NT5C2: variants seen among roughly 807,000 people sequenced by gnomAD.
NT5C2 encodes the protein cytosolic purine 5'-nucleotidase.
In NT5C2, 58 loss-of-function variants were observed where a neutral mutation model predicts 76.1. That is an observed-to-expected ratio of 0.76 (90% CI 0.62 to 0.95). NT5C2 has a LOEUF of 0.95. Ranked by LOEUF, NT5C2 falls within the 40% of genes least tolerant of loss-of-function variation. The pLI is 0.00. For missense variants in NT5C2, 478 were observed against 690.3 expected (o/e 0.69, Z 3.45); for synonymous variants, 229 against 237.4 (o/e 0.96, Z 0.32).
chr10:103,098,320 G>T, intron 10 of NT5C2: 2 of 259,384 alleles, frequency 7.7e-6, no homozygotes, highest in Admixed American at 5.8e-5. Flanking sequence ...AATTTTATCA[G>T]GTTTGCCACT....
At chr10:103,163,777 G>A (rs2085563715) in intron 3 of NT5C2, among the ~76,000 whole-genome samples, 1 of 150,840 alleles carries the variant, frequency 6.6e-6, no homozygotes, top group South Asian at 2.1e-4. Context: ...AGCACTTTGG[G>A]AGGCTGAGGC....
At chr10:103,091,700 G>T in intron 15 of NT5C2, 85 bp from the exon 16 acceptor site, 2 of 1,111,416 alleles carry the variant, frequency 1.8e-6, no homozygotes, top group Non-Finnish European at 2.7e-6. Context: ...AAAGGTTGCA[G>T]ATGTGACTGG....
chr10:103,094,769 C>G (rs1250732007), intron 12 of NT5C2, among the ~76,000 whole-genome samples: 1 of 151,644 alleles, frequency 6.6e-6, no homozygotes, highest in Non-Finnish European at 1.5e-5. Context: ...GTAGTCCCAG[C>G]TACTTGGGAG....
Position 103,093,184 on chromosome 10 carries a change from T to C in NT5C2, c.1114A>G (p.Ile372Val). 6.2e-7 allele frequency: 1 copy of C among 1,611,868 alleles called. No homozygotes were observed. The highest frequency in any genetic ancestry group is 8.5e-7 in the Non-Finnish European group (1 of 1,179,064). Residue 372 changes from isoleucine (I) to valine (V), a missense_variant, in exon 15 of 19, where the codon ATT (isoleucine) becomes GTT (valine). By Grantham distance (29) the Ile-to-Val change is conservative (BLOSUM62 3). Coordinates refer to ENST00000404739, the MANE Select transcript of NT5C2 (RefSeq NM_001351169.2). ...KRQGWRTFLV[I>V]PELAQELHVW... is the part of the protein sequence containing the mutation. ...TGTAGCTCCTGTGCGAGTTCAGGAA[T>C]CACCAAAAAAGTTCGCCACCCTTGC...
chr10:103,132,698 C>T (rs1037020227), intron 4 of NT5C2, among the ~76,000 whole-genome samples: 8 of 151,886 alleles, frequency 5.3e-5, no homozygotes, highest in Non-Finnish European at 1.0e-4. Context: ...TACAGGCGCC[C>T]GCCACCACGC....
intron 8 of NT5C2, among the ~76,000 whole-genome samples, chr10:103,100,379 T>G (rs983407526): frequency 2.0e-5 from 3 of 152,244 alleles, no homozygotes; most frequent in Non-Finnish European, 4.4e-5. Flanking sequence ...CTGACTTTCC[T>G]GACACTGTCC....
Position 103,100,021 on chromosome 10 carries a change from T to TCCCACTCAGTTGTC in NT5C2, c.540-3_540-2insGACAACTGAGTGGG. The TCCCACTCAGTTGTC allele has an allele frequency of 6.3e-7, 1 of 1,585,480 alleles. No individual in the cohort carries two copies. The highest frequency in any genetic ancestry group is 8.7e-7 in the Non-Finnish European group (1 of 1,155,276). On this transcript the variant is annotated splice_polypyrimidine_tract_variant and splice_region_variant and intron_variant, in intron 8 of 18. Transcript: ENST00000404739. ...CCATCTTTAAATCCTGTTTCACAAC[T>TCCCACTCAGTTGTC]ACAGAAAGATAAAAATAACATGACA...
At chr10:103,106,467 C>A in intron 5 of NT5C2, 122 bp downstream of exon 5, 1 of 679,306 alleles carries the variant, frequency 1.5e-6, no homozygotes, top group Non-Finnish European at 2.6e-6. Context: ...AAAAAAACAA[C>A]AAAGAATTAT....
intron 1 of NT5C2, among the ~76,000 whole-genome samples, chr10:103,188,152 C>T (rs1349051528): frequency 2.0e-5 from 3 of 152,034 alleles, no homozygotes; most frequent in South Asian, 2.1e-4. Context: ...GTCAGGAGTT[C>T]GAGACCAGCC....
intron 3 of NT5C2, among the ~76,000 whole-genome samples, chr10:103,164,072 C>T (rs903443313): frequency 1.3e-5 from 2 of 151,836 alleles, no homozygotes; most frequent in Admixed American, 6.6e-5. Flanking sequence ...GACCCTATCT[C>T]TACGAAAAAT....
Position 103,153,407 on chromosome 10 carries a change from G to A in NT5C2, c.102-13928C>T, listed in dbSNP as rs534095156. 227 of 1,133,306 alleles carry A rather than the reference G, an allele frequency of 2.0e-4. 1 individual carries two copies. Among genetic ancestry groups the A allele is most frequent in the Middle Eastern group, 1.5e-3 (6 of 4,088 alleles). 70.2% of individuals were successfully genotyped at this position (1,133,306 alleles called of 1,614,324 possible). A position where few individuals can be genotyped will look rare whatever the true frequency, so the allele number is the denominator to read the frequency against. ...CATTTGTTAAAGCACAGAGAACTCA[G>A]GCCCTGAGAGGCCCAACAAATTTGG... On this transcript the variant is annotated intron_variant, in intron 3 of 18. Coordinates refer to ENST00000404739, the MANE Select transcript of NT5C2 (RefSeq NM_001351169.2).
chr10:103,164,698 ATC>A (rs1031280830), intron 3 of NT5C2, among the ~76,000 whole-genome samples: 2 of 152,302 alleles, frequency 1.3e-5, no homozygotes, highest in Non-Finnish European at 2.9e-5. Context: ...ACATGAATAA[ATC>A]TCTCTCTCAG....
rs531388488 is a variant in NT5C2, at chr10:103,143,611, T to G, written c.102-4132A>C. ...ACCACCATGTCCAGCTATTTTTTTT[T>G]TTTTTTTTTTTTTTTTTTTTTGTAG... On this transcript the variant is annotated intron_variant, in intron 3 of 18. Coordinates refer to ENST00000404739, the MANE Select transcript of NT5C2 (RefSeq NM_001351169.2). Among the ~76,000 whole-genome samples, 662 of 133,580 alleles carry G rather than the reference T, an allele frequency of 5.0e-3. 10 individuals are homozygous for G. Among genetic ancestry groups the G allele is most frequent in the Admixed American group, 0.022 (289 of 13,000 alleles). 87.6% of individuals were successfully genotyped at this position (133,580 alleles called of 152,430 possible). A position where few individuals can be genotyped will look rare whatever the true frequency, so the allele number is the denominator to read the frequency against.
intron 2 of NT5C2, among the ~76,000 whole-genome samples, chr10:103,180,285 T>A (rs2090824787): frequency 6.6e-6 from 1 of 152,224 alleles, no homozygotes; most frequent in Non-Finnish European, 1.5e-5. Flanking sequence ...ACCTGAATTC[T>A]ACTACACTGC....
intron 3 of NT5C2, among the ~76,000 whole-genome samples, chr10:103,166,106 T>C (rs979881852): frequency 3.9e-5 from 6 of 152,256 alleles, no homozygotes; most frequent in African/African-American, 9.6e-5. Flanking sequence ...TTGTGCCATA[T>C]AGAAAAATAT....
At chr10:103,108,282 A>G (rs2071932399) in intron 4 of NT5C2, among the ~76,000 whole-genome samples, 1 of 152,208 alleles carries the variant, frequency 6.6e-6, no homozygotes, top group African/African-American at 2.4e-5. Context: ...ATAACAGCTA[A>G]AAAGACCTGC....
chr10:103,127,408 G>C (rs1173246163), intron 4 of NT5C2, among the ~76,000 whole-genome samples: 1 of 152,136 alleles, frequency 6.6e-6, no homozygotes, highest in Non-Finnish European at 1.5e-5. Flanking sequence ...TTCAATTATG[G>C]GGATAATTGG....
chr10:103,156,541 G>C (rs879768052), intron 3 of NT5C2, among the ~76,000 whole-genome samples: 2 of 150,282 alleles, frequency 1.3e-5, no homozygotes, highest in Non-Finnish European at 3.0e-5. Flanking sequence ...GATCACCTGA[G>C]GTCAGGAGTT....
intron 9 of NT5C2, among the ~76,000 whole-genome samples, chr10:103,099,612 C>CA (rs1458781952): frequency 5.3e-5 from 8 of 150,504 alleles, no homozygotes; most frequent in South Asian, 2.1e-4. Context: ...GGTATCTGGA[C>CA]AAAAAAAATG....
Sources: allele counts gnomAD v4.1 joint callset (sites outside exome capture counted in the v4.1 genomes callset), GRCh38; gene constraint gnomAD v4.1.1; transcripts MANE v1.5; gene names NCBI Gene and HGNC (gene_info 2026-07-23, HGNC 2026-07-21).